STK32B: variants seen among roughly 807,000 people sequenced by gnomAD.
STK32B encodes the protein serine/threonine kinase 32B, also known as serine/threonine-protein kinase 32B.
STK32B carries 43 observed loss-of-function variants against 52.6 expected under a neutral mutation model. The observed-to-expected ratio is 0.82, with a 90% CI of 0.64 to 1.05. The LOEUF is 1.05. STK32B is among the 50% of genes least tolerant of loss of function. The pLI is 0.00. For missense variants in STK32B, 621 were observed against 534.6 expected, an observed-to-expected ratio of 1.16 and a Z score of -1.59; for synonymous variants, 238 against 204.3, an observed-to-expected ratio of 1.17 and a Z score of -1.41.
At chr4:5,384,065 A>G (rs553538012) in intron 4 of STK32B, among the ~76,000 whole-genome samples, 113 of 152,304 alleles carry the variant, frequency 7.4e-4, no homozygotes, top group African/African-American at 2.6e-3. Context: ...AGGCCAGGTA[A>G]CAGCAAGGCA....
intron 1 of STK32B, among the ~76,000 whole-genome samples, chr4:5,059,320 A>C (rs1336590680): frequency 6.6e-6 from 1 of 151,788 alleles, no homozygotes; most frequent in East Asian, 1.9e-4. Flanking sequence ...ACTATTTTAC[A>C]ATTAAGTATT....
chr4:5,102,904 T>TCCCTC (rs1301451077), intron 1 of STK32B, among the ~76,000 whole-genome samples: 1 of 77,490 alleles, frequency 1.3e-5, no homozygotes, highest in Admixed American at 1.6e-4. Flanking sequence ...CCTTCCTTCC[T>TCCCTC]CCCTCCCCTC....
chr4:5,473,625 G>T (rs1718011571), intron 11 of STK32B, among the ~76,000 whole-genome samples: 3 of 152,090 alleles, frequency 2.0e-5, no homozygotes. Context: ...TAAATGTTGG[G>T]CAAGGAATTG....
chr4:5,377,235 T>G (rs867654303), intron 4 of STK32B, among the ~76,000 whole-genome samples: 2 of 152,316 alleles, frequency 1.3e-5, no homozygotes, highest in Middle Eastern at 3.4e-3. Context: ...CATTAAAAAT[T>G]CACACTTTTA....
At chr4:5,357,018 TATATACAC>T (rs1734217117) in intron 4 of STK32B, among the ~76,000 whole-genome samples, 1 of 150,376 alleles carries the variant, frequency 6.6e-6, no homozygotes, top group African/African-American at 2.5e-5. Context: ...TATATATATA[TATATACAC>T]ACACACACAC....
chr4:5,077,877 A>G (rs1232564089), intron 1 of STK32B, among the ~76,000 whole-genome samples: 1 of 152,136 alleles, frequency 6.6e-6, no homozygotes, highest in Non-Finnish European at 1.5e-5. Context: ...GGTAATAGAA[A>G]AGGCAACAAA....
intron 3 of STK32B, among the ~76,000 whole-genome samples, chr4:5,316,203 A>ATTGT (rs1730687541): frequency 2.1e-4 from 18 of 86,626 alleles, no homozygotes; most frequent in African/African-American, 5.8e-4. Flanking sequence ...TTAGATATAT[A>ATTGT]ATATATATTA....
chr4:5,316,210 AT>A, intron 3 of STK32B, among the ~76,000 whole-genome samples: 1 of 87,798 alleles, frequency 1.1e-5, no homozygotes, highest in African/African-American at 6.1e-5. Context: ...TATAATATAT[AT>A]TACATAATAT....
At chr4:5,285,546 AT>A (rs971953347) in intron 3 of STK32B, among the ~76,000 whole-genome samples, 17 of 152,282 alleles carry the variant, frequency 1.1e-4, no homozygotes, top group African/African-American at 4.1e-4. Flanking sequence ...AGCAAAAGGA[AT>A]TTTTTAGGAT....
At chr4:5,393,614 G>C (rs1736711182) in intron 4 of STK32B, among the ~76,000 whole-genome samples, 1 of 152,086 alleles carries the variant, frequency 6.6e-6, no homozygotes, top group Non-Finnish European at 1.5e-5. Flanking sequence ...AGAGACAGTG[G>C]GGGAGGTGCT....
At chr4:5,046,546 C>T (rs574909778), upstream of STK32B, among the ~76,000 whole-genome samples, 4 of 152,308 alleles carry the variant, frequency 2.6e-5, no homozygotes, top group South Asian at 8.3e-4. Context: ...TCAGAGTGAA[C>T]AGTCAACCTA....
Position 5,396,258 on chromosome 4 carries a change from C to T in STK32B, c.435-1949C>T, listed in dbSNP as rs1467400280. 2.6e-5 allele frequency among the ~76,000 whole-genome samples: 4 copies of T among 152,150 alleles called. No homozygotes were observed. The highest frequency in any genetic ancestry group is 2.1e-4 in the South Asian group (1 of 4,822). On this transcript the variant is annotated intron_variant, in intron 4 of 11. Transcript: ENST00000282908. The surrounding 1 kb of genome is among the most constrained non-coding windows in gnomAD (Gnocchi z 4.7). ...TGTTCCAGCTCCAGGTGGCTCCAGG[C>T]GTTTCTGGTTCATGGCTGCATCACT...
At chr4:5,368,310 A>G (rs6821439) in intron 4 of STK32B, among the ~76,000 whole-genome samples, 11,906 of 101,338 alleles carry the variant, frequency 0.12, 159 homozygotes, top group East Asian at 0.17. Flanking sequence ...AATTATAAAT[A>G]ATAAGGGCTT....
intron 11 of STK32B, among the ~76,000 whole-genome samples, chr4:5,492,855 T>C (rs1162563229): frequency 1.3e-5 from 2 of 151,096 alleles, no homozygotes; most frequent in African/African-American, 4.9e-5. Flanking sequence ...TGTCTTTGGT[T>C]CTGTTTATAT....
chr4:5,164,873 T>C (rs1718748809), intron 2 of STK32B, among the ~76,000 whole-genome samples: 1 of 152,214 alleles, frequency 6.6e-6, no homozygotes, highest in Non-Finnish European at 1.5e-5. Flanking sequence ...TTAGCTTAGC[T>C]CTTTGTTTTT....
At chr4:5,226,253 TA>T (rs1723864845) in intron 3 of STK32B, among the ~76,000 whole-genome samples, 1 of 152,196 alleles carries the variant, frequency 6.6e-6, no homozygotes. Flanking sequence ...ATTATTTTCT[TA>T]AAGTTTTCAT....
At chr4:5,278,917 A>G (rs1202588936) in intron 3 of STK32B, among the ~76,000 whole-genome samples, 1 of 152,152 alleles carries the variant, frequency 6.6e-6, no homozygotes, top group Non-Finnish European at 1.5e-5. Context: ...CACACTCACT[A>G]TCATGAGAAC....
chr4:5,446,785 G>A lies in STK32B; in HGVS notation c.666+9G>A, dbSNP rs1262731573. On this transcript the variant is annotated intron_variant, in intron 7 of 11. Transcript: ENST00000282908. Reference sequence around the variant, plus strand: ...AGCTGCTGCGGGGCTGGGTAAGACAGGCACCTGTGCGGTACACACGAGGGG... The same window carrying A: ...AGCTGCTGCGGGGCTGGGTAAGACAAGCACCTGTGCGGTACACACGAGGGG... 1.9e-6 allele frequency: 3 copies of A among 1,613,626 alleles called. No homozygotes were observed.
At chr4:5,205,701 C>CGT (rs1440637340) in intron 3 of STK32B, among the ~76,000 whole-genome samples, 270 of 74,340 alleles carry the variant, frequency 3.6e-3, no homozygotes, top group African/African-American at 7.3e-3. Context: ...CAGGCGCGCG[C>CGT]GCGTGTGTGT....
Sources: gnomAD v4.1 joint callset for allele counts (sites outside exome capture counted in the v4.1 genomes callset) on GRCh38, gnomAD v4.1.1 for gene constraint, Gnocchi (gnomAD v3.1) non-coding constraint, MANE v1.5 for transcripts, NCBI Gene and HGNC (gene_info 2026-07-23, HGNC 2026-07-21) for gene names.